Variants in KMT2C observed in about 807,000 individuals in gnomAD.
The protein encoded by KMT2C is histone-lysine N-methyltransferase 2C.
A neutral mutation model predicts 507.9 loss-of-function variants in KMT2C; 88 were observed. The ratio of observed to expected loss-of-function variants is 0.17; its 90% confidence interval spans 0.15 to 0.21. The LOEUF (loss-of-function observed/expected upper bound fraction) is 0.21, where lower values mean the gene tolerates loss of function less well. Among genes scored for constraint, KMT2C ranks in the 10% least tolerant of loss-of-function variants. The probability of loss-of-function intolerance (pLI) is 1.00; values close to 1 mark genes in which losing one functional copy is unlikely to be tolerated. For missense variants in KMT2C, 4,954 were observed against 5,957.8 expected (o/e 0.83, Z 5.55); for synonymous variants, 2,049 against 2,080.8 (o/e 0.98, Z 0.42).
chr7:152,344,140 G>T (rs2097028154), intron 2 of KMT2C, among the ~76,000 whole-genome samples: 1 of 152,154 alleles, frequency 6.6e-6, no homozygotes, highest in Non-Finnish European at 1.5e-5. Context: ...CAATACAAGG[G>T]ATGCGAGGAA....
At chr7:152,333,560 A>G (rs913526560) in intron 2 of KMT2C, among the ~76,000 whole-genome samples, 6 of 152,348 alleles carry the variant, frequency 3.9e-5, no homozygotes, top group Non-Finnish European at 8.8e-5. Context: ...TACACTAGAC[A>G]TACTTAGCAG....
Position 152,167,320 on chromosome 7 carries a change from T to C in KMT2C, c.9576A>G (p.Gln3192=). 1.9e-6 allele frequency: 3 copies of C among 1,613,972 alleles called. No homozygotes were observed. The highest frequency in any genetic ancestry group is 1.1e-5 in the South Asian group (1 of 91,070). ...EWLQETQQLL[Q]MQQKYLEEQI... The stretch of plus-strand genomic sequence containing the variant: ...GTTCTTCAAGATACTTCTGCTGCAT[T>C]TGAAGCAGCTGTTGGGTCTCCTGGA... The change falls in exon 42 of 59, where the codon CAA becomes CAG. Residue 3192 remains glutamine (Q), a synonymous_variant. Transcript: ENST00000262189.
intron 2 of KMT2C, among the ~76,000 whole-genome samples, chr7:152,340,967 T>C (rs2096986350): frequency 6.6e-6 from 1 of 152,248 alleles, no homozygotes; most frequent in Admixed American, 6.5e-5. Flanking sequence ...TTATCAGTAT[T>C]TCCTTTAGTT....
chr7:152,201,617 G>GAAAAAAAAAAAAAAA, intron 26 of KMT2C, among the ~76,000 whole-genome samples: 1 of 22,906 alleles, frequency 4.4e-5, no homozygotes, highest in Non-Finnish European at 1.9e-4. Context: ...CAACAAAGAT[G>GAAAAAAAAAAAAAAA]AAAAAAAAAA....
intron 31 of KMT2C, among the ~76,000 whole-genome samples, chr7:152,191,380 T>C (rs1408502376): frequency 6.6e-6 from 1 of 152,216 alleles, no homozygotes; most frequent in African/African-American, 2.4e-5. Flanking sequence ...CATAGTCTAA[T>C]TCACTTTAAT....
At chr7:152,432,774 T>C (rs2097875350) in intron 1 of KMT2C, among the ~76,000 whole-genome samples, 2 of 152,250 alleles carry the variant, frequency 1.3e-5, no homozygotes. Flanking sequence ...ATTAAAAATT[T>C]AAACTTGAGG....
chr7:152,216,111 C>G (rs1563433517), intron 23 of KMT2C, among the ~76,000 whole-genome samples: 1 of 152,284 alleles, frequency 6.6e-6, no homozygotes, highest in South Asian at 2.1e-4. Flanking sequence ...TATTCCCACA[C>G]CTCCCAACAC....
chr7:152,163,812 C>T lies in KMT2C; in HGVS notation c.9765G>A (p.Gln3255=), dbSNP rs371631535. 244 of 1,613,980 alleles carry T rather than the reference C, an allele frequency of 1.5e-4. No individual in the cohort carries two copies. The highest frequency in any genetic ancestry group is 2.0e-4 in the Non-Finnish European group (235 of 1,179,970). Residue 3255 remains glutamine, a synonymous_variant, in exon 43 of 59, where the codon CAG becomes CAA. Coordinates refer to ENST00000262189, the MANE Select transcript of KMT2C (RefSeq NM_170606.3). The stretch of plus-strand genomic sequence containing the variant: ...CTTCAATCAATTCAGCATGTTCTTT[C>T]TGTTGTTTACGAATCTGGAATAACA... ...QKQLEQIRKQ[Q]KEHAELIEDY...
In KMT2C at chr7:152,179,970, G is replaced by C. The variant is rs775064367; in HGVS notation, c.7306C>G (p.Pro2436Ala). 1.2e-6 allele frequency: 2 copies of C among 1,614,142 alleles called. No homozygotes were observed. The highest frequency in any genetic ancestry group is 1.1e-5 in the South Asian group (1 of 91,078). ...CTAATGTTCCCAGGATAGGGAGGTGGGGGTCTGGTGAAAGCCTGGTTAACA... is the reference window on the plus strand; with the variant it reads ...CTAATGTTCCCAGGATAGGGAGGTGCGGGTCTGGTGAAAGCCTGGTTAACA... ...ENVNQAFTRP[P>A]PPYPGNIRSP... Residue 2436 changes from proline to alanine, a missense_variant, in exon 37 of 59, where the codon CCA becomes GCA. By Grantham distance (27) the Pro-to-Ala change is conservative. This residue lies in a region of KMT2C where 1,689 missense variants were observed against 1,654.3 expected (regional missense o/e 1.02). Transcript: ENST00000262189.
At chr7:152,271,497 C>T (rs190316254) in intron 7 of KMT2C, among the ~76,000 whole-genome samples, 191 of 151,948 alleles carry the variant, frequency 1.3e-3, no homozygotes, top group African/African-American at 4.2e-3. Context: ...CACAGTGAAA[C>T]CCTGTCTCTA....
In KMT2C at chr7:152,205,188, A is replaced by G; in HGVS notation, c.3879T>C (p.Thr1293=). Residue 1293 remains threonine (T), a synonymous_variant, in exon 25 of 59, where the codon ACT becomes ACC. Coordinates refer to ENST00000262189, the MANE Select transcript of KMT2C (RefSeq NM_170606.3). Reference sequence around the variant, plus strand: ...CAGATCTTTTGGTTTTCCCTTGCCCAGTTCGACTTCTTTGCCGCACCATAA... The same window carrying G: ...CAGATCTTTTGGTTTTCCCTTGCCCGGTTCGACTTCTTTGCCGCACCATAA... The part of the protein sequence containing the change: ...GGFMVRQRSR[T]GQGKTKRSVI... 1 of 1,611,386 alleles carries G rather than the reference A, an allele frequency of 6.2e-7. No individual in the cohort carries two copies. The highest frequency in any genetic ancestry group is 1.1e-5 in the South Asian group (1 of 90,988).
At chr7:152,153,811 T>G (rs984248511) in intron 48 of KMT2C, among the ~76,000 whole-genome samples, 199 bp downstream of exon 48, 1 of 152,158 alleles carries the variant, frequency 6.6e-6, no homozygotes, top group African/African-American at 2.4e-5. Context: ...CCCTTTTTAC[T>G]TGACGTAGGC....
At chr7:152,224,373 C>G in intron 19 of KMT2C, 62 bp downstream of exon 19, 1 of 1,534,106 alleles carries the variant, frequency 6.5e-7, no homozygotes, top group East Asian at 2.3e-5. Flanking sequence ...TTTTAAAAAC[C>G]AAAGTGGTAT....
rs1374359786 is a variant in KMT2C at position 152,177,608 on chromosome 7, T to C, written c.7845A>G (p.Leu2615=). 1 of 1,614,152 alleles carries C rather than the reference T, an allele frequency of 6.2e-7. No homozygotes were observed. The highest frequency in any genetic ancestry group is 8.5e-7 in the Non-Finnish European group (1 of 1,180,022). Residue 2615 remains leucine (L), a synonymous_variant, in exon 38 of 59, where the codon CTA becomes CTG. Coordinates refer to ENST00000262189, the MANE Select transcript of KMT2C (RefSeq NM_170606.3). ...TDPMRRPPQG[L]PNQLPVHPDL... is the part of the protein sequence containing the mutation. ...CTGGGTGCACAGGTAGCTGATTAGG[T>C]AGACCCTGGGGAGGTCGTCGCATGG...
intron 2 of KMT2C, among the ~76,000 whole-genome samples, chr7:152,348,280 T>C (rs1301863827): frequency 6.6e-6 from 1 of 152,164 alleles, no homozygotes; most frequent in East Asian, 1.9e-4. Flanking sequence ...ATACCATTTC[T>C]CTATACTCTC....
chr7:152,154,567 G>GAGC, intron 46 of KMT2C, 122 bp from the exon 47 acceptor site: 1 of 732,198 alleles, frequency 1.4e-6, no homozygotes, highest in Non-Finnish European at 2.2e-6. Flanking sequence ...CCTATACGAT[G>GAGC]AGCAGCAAAT....
chr7:152,172,368 G>A (rs2093002008), intron 39 of KMT2C, among the ~76,000 whole-genome samples: 1 of 152,182 alleles, frequency 6.6e-6, no homozygotes, highest in Admixed American at 6.5e-5. Context: ...AGCATCAGAT[G>A]CTGAAAGGCC....
chr7:152,213,462 A>C (rs2094500899), intron 23 of KMT2C, among the ~76,000 whole-genome samples: 1 of 152,166 alleles, frequency 6.6e-6, no homozygotes, highest in South Asian at 2.1e-4. Flanking sequence ...TACAATAGGG[A>C]AAAGATGGTG....
intron 2 of KMT2C, among the ~76,000 whole-genome samples, chr7:152,357,155 G>A (rs542579793): frequency 3.3e-4 from 49 of 147,932 alleles, no homozygotes; most frequent in South Asian, 3.3e-3. Context: ...TGAGCCCGGC[G>A]GGTGGAGGTT....
Sources: allele counts gnomAD v4.1 joint callset (sites outside exome capture counted in the v4.1 genomes callset), GRCh38; gene constraint gnomAD v4.1.1; regional missense constraint gnomAD v4.1.1; transcripts MANE v1.5; gene names NCBI Gene and HGNC (gene_info 2026-07-23, HGNC 2026-07-21).